CXCL13: variants seen among roughly 807,000 people sequenced by gnomAD.
CXCL13 encodes C-X-C motif chemokine 13.
A neutral mutation model predicts 12.2 loss-of-function variants in CXCL13; 7 were observed. The observed-to-expected ratio is 0.57, with a 90% confidence interval of 0.33 to 1.07. The LOEUF is 1.07. Among genes scored for constraint, CXCL13 ranks in the 50% least tolerant of loss-of-function variants. The pLI is 0.04. For synonymous variants in CXCL13, 47 were observed against 42.4 expected, an observed-to-expected ratio of 1.11 and a Z score of -0.42; for missense variants, 113 against 127.4, an observed-to-expected ratio of 0.89 and a Z score of 0.55.
chr4:77,544,022 T>G (rs753062475), intron 1 of CXCL13, among the ~76,000 whole-genome samples: 8 of 152,114 alleles, frequency 5.3e-5, no homozygotes, highest in Non-Finnish European at 1.2e-4. Flanking sequence ...CTTGCGATAT[T>G]TTGCGAGAAT....
intron 1 of CXCL13, among the ~76,000 whole-genome samples, chr4:77,556,607 A>C (rs1288827950): frequency 6.6e-6 from 1 of 152,216 alleles, no homozygotes; most frequent in Non-Finnish European, 1.5e-5. Context: ...AACCTCATTA[A>C]GATTGATTTA....
intron 1 of CXCL13, among the ~76,000 whole-genome samples, chr4:77,540,450 G>C (rs190406116): frequency 1.1e-4 from 17 of 152,164 alleles, no homozygotes; most frequent in African/African-American, 3.6e-4. Flanking sequence ...CCCAATGTCT[G>C]TTGTTTCCAT....
intron 1 of CXCL13, among the ~76,000 whole-genome samples, chr4:77,551,121 A>T (rs949002572): frequency 6.6e-6 from 1 of 152,216 alleles, no homozygotes; most frequent in African/African-American, 2.4e-5. Flanking sequence ...TAGACCATTT[A>T]CATTCAAAGT....
intron 1 of CXCL13, among the ~76,000 whole-genome samples, chr4:77,535,958 A>G (rs1725048918): frequency 6.6e-6 from 1 of 152,206 alleles, no homozygotes; most frequent in Admixed American, 6.5e-5. Flanking sequence ...TTATTATTTT[A>G]TACCACTAAA....
At chr4:77,526,331 G>A (rs1004562407) in intron 1 of CXCL13, among the ~76,000 whole-genome samples, 1 of 151,948 alleles carries the variant, frequency 6.6e-6, no homozygotes, top group Non-Finnish European at 1.5e-5. Context: ...AATTTTAAAT[G>A]TGAAACATTC....
At chr4:77,536,735 T>C (rs1314240674) in intron 1 of CXCL13, among the ~76,000 whole-genome samples, 2 of 152,206 alleles carry the variant, frequency 1.3e-5, no homozygotes, top group Non-Finnish European at 2.9e-5. Flanking sequence ...AATATCTTTC[T>C]TTTTGGCTTT....
At chr4:77,516,166 T>C (rs553426657) in intron 1 of CXCL13, among the ~76,000 whole-genome samples, 38 of 152,284 alleles carry the variant, frequency 2.5e-4, no homozygotes, top group African/African-American at 8.9e-4. Context: ...GCCCACTTGA[T>C]CATGGTGGAT....
chr4:77,606,978 T>C (rs1727014689), intron 1 of CXCL13, among the ~76,000 whole-genome samples: 1 of 152,218 alleles, frequency 6.6e-6, no homozygotes, highest in Admixed American at 6.5e-5. Flanking sequence ...CTTTTGAATT[T>C]TTATGATTGC....
Position 77,544,232 on chromosome 4 carries a change from C to T in CXCL13, c.-43+32444C>T, listed in dbSNP as rs749502576. 1.2e-4 allele frequency among the ~76,000 whole-genome samples: 19 copies of T among 152,144 alleles called. 1 individual carries two copies. Among genetic ancestry groups the T allele is most frequent in the Non-Finnish European group, 2.4e-4 (16 of 68,032 alleles). On this transcript the variant is annotated intron_variant, in intron 1 of 4. Coordinates refer to the CXCL13 transcript ENST00000286758. ...ATGTGTGCATGTGTCTTTATAGTAG[C>T]ATGGTTTATAATCCTTTGGGCATAT...
At chr4:77,551,730 A>G (rs1468487709) in intron 1 of CXCL13, among the ~76,000 whole-genome samples, 3 of 152,208 alleles carry the variant, frequency 2.0e-5, no homozygotes, top group African/African-American at 7.2e-5. Flanking sequence ...TCAATAATTC[A>G]TAAGCTTGGT....
rs149647696 is a variant in CXCL13, at chr4:77,588,730, C to G, written c.-42-17094C>G. Among the ~76,000 whole-genome samples the G allele has an allele frequency of 1.0e-3, 155 of 152,254 alleles. 5 individuals carry two copies. In the East Asian group the frequency reaches 0.022, roughly 21 times the overall value. The stretch of plus-strand genomic sequence containing the variant: ...GATCCATCTCACAGATCCTCTTTCT[C>G]TGGTTCTTTTCCTGGATTAATTTCT... On this transcript the variant is annotated intron_variant, in intron 1 of 4. Transcript: ENST00000286758.
At chr4:77,574,582 T>C (rs1306967960) in intron 1 of CXCL13, among the ~76,000 whole-genome samples, 1 of 151,950 alleles carries the variant, frequency 6.6e-6, no homozygotes, top group Non-Finnish European at 1.5e-5. Flanking sequence ...TTCTTTCTTC[T>C]TTTATTTAAA....
chr4:77,577,806 C>G (rs375974730), intron 1 of CXCL13, among the ~76,000 whole-genome samples: 12 of 152,290 alleles, frequency 7.9e-5, no homozygotes, highest in African/African-American at 2.9e-4. Flanking sequence ...GAGAAGGGAA[C>G]CAGGGAGACC....
intron 1 of CXCL13, among the ~76,000 whole-genome samples, chr4:77,553,049 G>A (rs1352163266): frequency 6.6e-6 from 1 of 152,196 alleles, no homozygotes; most frequent in East Asian, 1.9e-4. Flanking sequence ...TTTGGCTTGG[G>A]GGTGGAGTGG....
At chr4:77,566,783 C>G (rs1453163070) in intron 1 of CXCL13, among the ~76,000 whole-genome samples, 2 of 152,178 alleles carry the variant, frequency 1.3e-5, no homozygotes, top group African/African-American at 4.8e-5. Flanking sequence ...TAACCAATCA[C>G]TACAAAACGT....
At chr4:77,532,186 A>G (rs1465779490) in intron 1 of CXCL13, among the ~76,000 whole-genome samples, 1 of 152,108 alleles carries the variant, frequency 6.6e-6, no homozygotes, top group Non-Finnish European at 1.5e-5. Context: ...GGCTGGTACC[A>G]GTTGTTCCTT....
intron 1 of CXCL13, among the ~76,000 whole-genome samples, chr4:77,524,829 G>A (rs768824752): frequency 6.6e-6 from 1 of 152,160 alleles, no homozygotes; most frequent in Non-Finnish European, 1.5e-5. Context: ...GCAGACTGGA[G>A]CTGTTCCTAT....
chr4:77,581,849 G>T lies in CXCL13; in HGVS notation c.-42-23975G>T, dbSNP rs1260760160. On this transcript the variant is annotated intron_variant, in intron 1 of 4. Coordinates refer to the CXCL13 transcript ENST00000286758. Reference sequence around the variant, plus strand: ...TCTGAAGTCAGCTGTCTCATCTCTTGCATTCATTTCAAGCATAATCTATGT... The same window carrying T: ...TCTGAAGTCAGCTGTCTCATCTCTTTCATTCATTTCAAGCATAATCTATGT... Among the ~76,000 whole-genome samples, 5 of 152,054 alleles carry T rather than the reference G, an allele frequency of 3.3e-5. No individual in the cohort carries two copies. The East Asian group carries it at 9.6e-4, about 29-fold the overall frequency.
chr4:77,539,166 C>A (rs1481419985), intron 1 of CXCL13, among the ~76,000 whole-genome samples: 2 of 151,736 alleles, frequency 1.3e-5, no homozygotes, highest in Admixed American at 6.6e-5. Context: ...CTGGCTCAAG[C>A]ATTTCTCCTG....
Sources: gnomAD v4.1 joint callset for allele counts (sites outside exome capture counted in the v4.1 genomes callset) on GRCh38, gnomAD v4.1.1 for gene constraint, MANE v1.5 for transcripts, NCBI Gene and HGNC (gene_info 2026-07-23, HGNC 2026-07-21) for gene names.